Variants in SLC4A7 observed in about 807,000 individuals in gnomAD.
The protein encoded by SLC4A7 is solute carrier family 4 member 7, also known as sodium bicarbonate cotransporter 3.
A neutral mutation model predicts 137.6 loss-of-function variants in SLC4A7; 51 were observed. The observed-to-expected ratio is 0.37, with a 90% confidence interval of 0.30 to 0.47. The LOEUF (loss-of-function observed/expected upper bound fraction) is 0.47, where lower values mean the gene tolerates loss of function less well. Ranked by LOEUF, SLC4A7 falls within the 20% of genes least tolerant of loss-of-function variation. The pLI is 1.00. For synonymous variants in SLC4A7, 542 were observed against 518.6 expected (o/e 1.05, Z -0.61); for missense variants, 1,247 against 1,525.4 (o/e 0.82, Z 3.04).
Position 27,431,299 on chromosome 3 carries a change from T to A in SLC4A7, c.1149A>T (p.Pro383=), listed in dbSNP as rs1331856214. The A allele has an allele frequency of 6.4e-7, 1 of 1,569,908 alleles. No individual in the cohort carries two copies. The highest frequency in any genetic ancestry group is 1.8e-5 in the Admixed American group (1 of 54,374). ...QKNEENVDLT[P]GILASPQSAP... ...ACATGGAGGATTTTGGATAGTTGCC[T>A]GGAGTTAAGTCAACATTTTCCTCAT... The change falls in exon 7 of 26, where the codon CCA becomes CCT. Residue 383 remains proline, a splice_region_variant and synonymous_variant. Coordinates refer to ENST00000454389, the MANE Select transcript of SLC4A7 (RefSeq NM_001321103.2).
intron 24 of SLC4A7, 143 bp from the exon 25 acceptor site, chr3:27,379,499 T>A: frequency 5.3e-6 from 3 of 568,298 alleles, no homozygotes; most frequent in Non-Finnish European, 9.4e-6. Context: ...AAAGTCCTTA[T>A]GAAGAATTAC....
intron 7 of SLC4A7, among the ~76,000 whole-genome samples, chr3:27,427,093 G>A (rs7646233): frequency 0.055 from 8,357 of 152,084 alleles, 770 homozygotes; most frequent in African/African-American, 0.19. Flanking sequence ...TGACCCCCAA[G>A]GGACTTGTGA....
chr3:27,448,671 C>G lies in SLC4A7; in HGVS notation c.269G>C (p.Gly90Ala). The G allele has an allele frequency of 6.2e-7, 1 of 1,612,224 alleles. No individual in the cohort carries two copies. The highest frequency in any genetic ancestry group is 8.5e-7 in the Non-Finnish European group (1 of 1,179,090). ...CTTACCATAAGAAGGAGATTCCCGT[C>G]CATCTTCTTTATCTGATTCTTTATC... ...RKDKESDKED[G>A]RESPSYDTPS... Residue 90 changes from glycine (G) to alanine (A), a missense_variant, in exon 3 of 26, where the codon GGA becomes GCA. By Grantham distance (60) the Gly-to-Ala change is moderately conservative (BLOSUM62 0). Transcript: ENST00000454389.
At chr3:27,446,401 GA>G (rs1226526758) in intron 3 of SLC4A7, among the ~76,000 whole-genome samples, 2 of 152,064 alleles carry the variant, frequency 1.3e-5, no homozygotes, top group Non-Finnish European at 2.9e-5. Context: ...AAACTTCAGG[GA>G]CATAAATCTT....
At chr3:27,399,826 G>A (rs2052574704) in intron 16 of SLC4A7, among the ~76,000 whole-genome samples, 1 of 152,198 alleles carries the variant, frequency 6.6e-6, no homozygotes, top group South Asian at 2.1e-4. Context: ...GGAGCCAGCA[G>A]TCACATGAAT....
intron 3 of SLC4A7, among the ~76,000 whole-genome samples, chr3:27,439,574 T>C (rs1003854549): frequency 3.3e-5 from 5 of 152,224 alleles, no homozygotes; most frequent in African/African-American, 1.2e-4. Context: ...GAAATATAAT[T>C]GATTTTATAT....
rs2150000671 is a variant in SLC4A7 at position 27,379,233 on chromosome 3, A to C, written c.3698+16T>G. The C allele has an allele frequency of 7.1e-7, 1 of 1,399,706 alleles. No homozygotes were observed. The allele number at this position is 1,399,706 out of a possible 1,614,324, so 86.7% of individuals were successfully genotyped here. A position where few individuals can be genotyped will look rare whatever the true frequency, so the allele number is the denominator to read the frequency against. On this transcript the variant is annotated intron_variant, in intron 25 of 25. Coordinates refer to ENST00000454389, the MANE Select transcript of SLC4A7 (RefSeq NM_001321103.2). ...AATTGGCTACAGTTAGAAAACACACAAATAGTTATAACTACCTCATGTTAG... is the reference window on the plus strand; with the variant it reads ...AATTGGCTACAGTTAGAAAACACACCAATAGTTATAACTACCTCATGTTAG...
At position 27,398,178 on chromosome 3, in the gene SLC4A7, T is replaced by G; in HGVS notation, c.2589+14A>C. 6.3e-7 allele frequency: 1 copy of G among 1,579,942 alleles called. No individual in the cohort carries two copies. The highest frequency in any genetic ancestry group is 8.6e-7 in the Non-Finnish European group (1 of 1,162,992). On this transcript the variant is annotated intron_variant, in intron 17 of 25. Transcript: ENST00000454389. ...ATGAATATTACCAGAATTCCAAAAT[T>G]ATATCACAGTTACCTTGGTAGGAAA... is the stretch of plus-strand genomic sequence containing the variant.
chr3:27,410,037 T>G (rs1295345387), intron 12 of SLC4A7, among the ~76,000 whole-genome samples: 1 of 152,180 alleles, frequency 6.6e-6, no homozygotes, highest in Non-Finnish European at 1.5e-5. Context: ...CTTTCAAAAC[T>G]AGTACTTCAA....
intron 1 of SLC4A7, among the ~76,000 whole-genome samples, chr3:27,454,136 C>A (rs969179927): frequency 1.8e-4 from 28 of 151,910 alleles, no homozygotes; most frequent in African/African-American, 6.5e-4. Context: ...ATAGCAAGAC[C>A]CCCATCTCCA....
At chr3:27,382,568 A>G (rs1266112741) in intron 24 of SLC4A7, among the ~76,000 whole-genome samples, 1 of 152,218 alleles carries the variant, frequency 6.6e-6, no homozygotes, top group Non-Finnish European at 1.5e-5. Context: ...AATATAAATC[A>G]TCAAAATCAC....
At chr3:27,460,476 G>A (rs2058639341) in intron 1 of SLC4A7, among the ~76,000 whole-genome samples, 1 of 152,182 alleles carries the variant, frequency 6.6e-6, no homozygotes, top group Admixed American at 6.5e-5. Context: ...ATTAAATACT[G>A]TATTGTCTGT....
chr3:27,423,897 C>T, intron 8 of SLC4A7, 140 bp downstream of exon 8: 1 of 576,366 alleles, frequency 1.7e-6, no homozygotes, highest in Non-Finnish European at 3.0e-6. Flanking sequence ...ATTAACATAT[C>T]ACAGACATCA....
intron 3 of SLC4A7, among the ~76,000 whole-genome samples, chr3:27,447,560 G>A (rs1165323654): frequency 6.7e-6 from 1 of 150,318 alleles, no homozygotes; most frequent in African/African-American, 2.4e-5. Flanking sequence ...GACCCATGAT[G>A]TACAGATGGC....
In SLC4A7 at chr3:27,376,665, CAT is replaced by C. The variant is rs1221561498; in HGVS notation, c.*97_*98del. 43 of 722,540 alleles carry C rather than the reference CAT, an allele frequency of 6.0e-5. No homozygotes were observed. The highest frequency in any genetic ancestry group is 9.1e-5 in the Non-Finnish European group (39 of 428,822). The allele number at this position is 722,540 out of a possible 1,614,324, so 44.8% of individuals were successfully genotyped here. On this transcript the variant is annotated 3_prime_UTR_variant, in exon 26 of 26. Transcript: ENST00000454389. ...TACTTTTAAAAACCCGGTAGTCACA[CAT>C]AAACAGCATGACATACAATATTCTT...
At chr3:27,482,653 T>C (rs2059763619) in intron 1 of SLC4A7, among the ~76,000 whole-genome samples, 1 of 152,140 alleles carries the variant, frequency 6.6e-6, no homozygotes, top group Admixed American at 6.6e-5. Flanking sequence ...GTGCCTGTAA[T>C]TCCTGCTACT....
chr3:27,456,547 T>G, intron 1 of SLC4A7: 1 of 816,524 alleles, frequency 1.2e-6, no homozygotes, highest in Non-Finnish European at 2.1e-6. Flanking sequence ...ATGATACTAT[T>G]CTAAGCCAGT....
intron 4 of SLC4A7, 51 bp from the exon 5 acceptor site, chr3:27,436,599 G>T: frequency 1.6e-5 from 17 of 1,080,270 alleles, no homozygotes; most frequent in South Asian, 5.5e-5. Context: ...GATTCCATTT[G>T]TTTATCTTAA....
In SLC4A7 at chr3:27,411,768, T is replaced by C; in HGVS notation, c.1660-20A>G. On this transcript the variant is annotated intron_variant, in intron 11 of 25. Coordinates refer to ENST00000454389, the MANE Select transcript of SLC4A7 (RefSeq NM_001321103.2). ...CTTTTCCTGAATTTCACAAAAAACA[T>C]TATTTTCAGAATTCTATTTTAAGAA... 2 of 1,386,802 alleles carry C rather than the reference T, an allele frequency of 1.4e-6. No individual in the cohort carries two copies. Among genetic ancestry groups the C allele is most frequent in the Non-Finnish European group, 2.0e-6 (2 of 1,017,762 alleles). The allele number at this position is 1,386,802 out of a possible 1,614,324, so 85.9% of individuals were successfully genotyped here.
Sources: allele counts gnomAD v4.1 joint callset (sites outside exome capture counted in the v4.1 genomes callset), GRCh38; gene constraint gnomAD v4.1.1; transcripts MANE v1.5; gene names NCBI Gene and HGNC (gene_info 2026-07-23, HGNC 2026-07-21).